The following NEK10 variants were observed in gnomAD, a reference collection of about 807,000 sequenced individuals.
The protein encoded by NEK10 is NIMA related kinase 10.
A neutral mutation model predicts 159.8 loss-of-function variants in NEK10; 122 were observed. The ratio of observed to expected loss-of-function variants is 0.76; its 90% CI spans 0.66 to 0.89. The LOEUF is 0.89. Ranked by LOEUF, NEK10 falls within the 40% of genes least tolerant of loss-of-function variation. The pLI is 0.00. For missense variants in NEK10, 1,342 were observed against 1,323.1 expected, an observed-to-expected ratio of 1.01 and a Z score of -0.22; for synonymous variants, 466 against 457.1, an observed-to-expected ratio of 1.02 and a Z score of -0.25.
chr3:27,132,049 AC>A, intron 31 of NEK10, 59 bp from the exon 32 acceptor site: 1 of 943,552 alleles, frequency 1.1e-6, no homozygotes. Flanking sequence ...ACAGCTGACT[AC>A]AAAAAGCATT....
At chr3:27,199,726 A>AGG (rs1949881878) in intron 25 of NEK10, among the ~76,000 whole-genome samples, 1 of 152,204 alleles carries the variant, frequency 6.6e-6, no homozygotes, top group Non-Finnish European at 1.5e-5. Context: ...CATAAATTCT[A>AGG]GGCTGGATAA....
At chr3:27,308,087 C>T (rs550462178) in intron 10 of NEK10, 142 bp from the exon 11 acceptor site, 4 of 565,922 alleles carry the variant, frequency 7.1e-6, no homozygotes, top group African/African-American at 5.8e-5. Flanking sequence ...CACAGTTCAG[C>T]ATGGCTAGGG....
intron 5 of NEK10, among the ~76,000 whole-genome samples, chr3:27,337,413 T>C (rs1421714965): frequency 6.7e-6 from 1 of 149,972 alleles, no homozygotes; most frequent in Admixed American, 6.7e-5. Flanking sequence ...TTCAATGCAA[T>C]CCCTATCAAA....
At chr3:27,201,440 T>C (rs1486448871) in intron 25 of NEK10, 70 bp downstream of exon 25, 2 of 1,287,072 alleles carry the variant, frequency 1.6e-6, no homozygotes, top group Non-Finnish European at 2.2e-6. Context: ...TATCCATAAA[T>C]AGTGATTTAT....
At chr3:27,247,821 T>C (rs1955232989) in intron 23 of NEK10, among the ~76,000 whole-genome samples, 3 of 70,774 alleles carry the variant, frequency 4.2e-5, no homozygotes, top group Middle Eastern at 8.9e-3. Flanking sequence ...TTTTCTTTTC[T>C]TTTTTTTTTT....
At chr3:27,187,816 A>G (rs1395023396) in intron 26 of NEK10, among the ~76,000 whole-genome samples, 2 of 151,940 alleles carry the variant, frequency 1.3e-5, no homozygotes, top group Non-Finnish European at 2.9e-5. Flanking sequence ...CTTGTTAGGT[A>G]TTTTGGAGAA....
At chr3:27,348,657 C>G (rs1313059815) in intron 3 of NEK10, among the ~76,000 whole-genome samples, 1 of 152,152 alleles carries the variant, frequency 6.6e-6, no homozygotes, top group Non-Finnish European at 1.5e-5. Flanking sequence ...CTTGCCCAGG[C>G]CTTCCTGGAT....
intron 6 of NEK10, among the ~76,000 whole-genome samples, chr3:27,320,292 A>G (rs1225891145): frequency 6.6e-6 from 1 of 152,208 alleles, no homozygotes; most frequent in Non-Finnish European, 1.5e-5. Flanking sequence ...AGAACTTCAG[A>G]TGGGAGATCA....
At chr3:27,162,560 T>C (rs142833730) in intron 30 of NEK10, 141 bp downstream of exon 30, 3 of 1,614,162 alleles carry the variant, frequency 1.9e-6, no homozygotes, top group African/African-American at 1.3e-5. Flanking sequence ...GCCCTGAGCA[T>C]GTGGGGTGGC....
At chr3:27,135,102 T>C (rs921594676) in intron 31 of NEK10, among the ~76,000 whole-genome samples, 15 of 152,160 alleles carry the variant, frequency 9.9e-5, no homozygotes, top group African/African-American at 3.6e-4. Context: ...CTAGCATTAC[T>C]GTAGGATAGC....
intron 5 of NEK10, among the ~76,000 whole-genome samples, chr3:27,333,458 A>G (rs1412340891): frequency 6.6e-6 from 1 of 151,954 alleles, no homozygotes; most frequent in East Asian, 1.9e-4. Context: ...AGGCAGGAGA[A>G]TCACTCAAAC....
At chr3:27,156,848 G>A (rs1400088331) in intron 30 of NEK10, among the ~76,000 whole-genome samples, 1 of 147,236 alleles carries the variant, frequency 6.8e-6, no homozygotes, top group Non-Finnish European at 1.5e-5. Context: ...GCCCATGCAT[G>A]TTTGTAGCCA....
intron 23 of NEK10, among the ~76,000 whole-genome samples, chr3:27,246,373 C>A (rs536070072): frequency 9.9e-5 from 15 of 152,106 alleles, no homozygotes; most frequent in Non-Finnish European, 1.8e-4. Flanking sequence ...CTCCTCCAAC[C>A]TTTCATCCTC....
At chr3:27,206,735 A>G (rs759306330) in intron 23 of NEK10, 1 of 438,308 alleles carries the variant, frequency 2.3e-6, no homozygotes, top group East Asian at 1.6e-4. Context: ...GTGGACTCTA[A>G]ACAATTTGCC....
At chr3:27,130,551 G>A (rs1942497649) in intron 32 of NEK10, among the ~76,000 whole-genome samples, 1 of 152,144 alleles carries the variant, frequency 6.6e-6, no homozygotes, top group Non-Finnish European at 1.5e-5. Flanking sequence ...GGGAGTTGAA[G>A]CCACCTTTAT....
chr3:27,174,610 A>T lies in NEK10; in HGVS notation c.2689+40T>A, dbSNP rs542866864. 3.8e-6 allele frequency: 6 copies of T among 1,598,558 alleles called. No individual in the cohort carries two copies. The East Asian group carries it at 1.3e-4, about 36-fold the overall frequency. Reference sequence around the variant, plus strand: ...AATACATTCATGTTGACACACTGCCACTAGCAGTACCTACGTTGACACACT... The same window carrying T: ...AATACATTCATGTTGACACACTGCCTCTAGCAGTACCTACGTTGACACACT... On this transcript the variant is annotated intron_variant, in intron 27 of 35. Transcript: ENST00000691995.
At chr3:27,226,358 A>AAAAG (rs1173681594) in intron 23 of NEK10, among the ~76,000 whole-genome samples, 4 of 151,946 alleles carry the variant, frequency 2.6e-5, no homozygotes, top group South Asian at 4.2e-4. Context: ...GTTTTTAAAA[A>AAAAG]AAAGAAAGAA....
chr3:27,258,558 T>G (rs1276677695), intron 22 of NEK10, among the ~76,000 whole-genome samples: 1 of 152,210 alleles, frequency 6.6e-6, no homozygotes, highest in Admixed American at 6.5e-5. Context: ...TCATCATTTT[T>G]TATGGCTGCA....
intron 30 of NEK10, among the ~76,000 whole-genome samples, chr3:27,146,182 T>C (rs1026065439): frequency 3.3e-5 from 5 of 152,220 alleles, no homozygotes; most frequent in Admixed American, 6.5e-5. Flanking sequence ...AGTATATCAT[T>C]GCATAATAAA....
Sources: gnomAD v4.1 joint callset for allele counts (sites outside exome capture counted in the v4.1 genomes callset) on GRCh38, gnomAD v4.1.1 for gene constraint, MANE v1.5 for transcripts, NCBI Gene and HGNC (gene_info 2026-07-23, HGNC 2026-07-21) for gene names.